The following TTLL11 variants were observed in gnomAD, a reference collection of about 807,000 sequenced individuals.
TTLL11 encodes the protein tubulin tyrosine ligase like 11.
Under a neutral mutation model 51.7 loss-of-function variants are expected in TTLL11, and 42 were observed. That is an observed-to-expected ratio of 0.81 (90% confidence interval 0.64 to 1.05). TTLL11 has a LOEUF of 1.05. Ranked by LOEUF, TTLL11 falls within the 50% of genes least tolerant of loss-of-function variation. The pLI, the probability that TTLL11 is intolerant of heterozygous loss-of-function variation, is 0.00. For synonymous variants in TTLL11, 381 were observed against 383.5 expected, an observed-to-expected ratio of 0.99 and a Z score of 0.08; for missense variants, 799 against 940.4, an observed-to-expected ratio of 0.85 and a Z score of 1.97.
At chr9:122,013,709 T>C (rs1843883632) in intron 3 of TTLL11, among the ~76,000 whole-genome samples, 1 of 151,780 alleles carries the variant, frequency 6.6e-6, no homozygotes, top group Non-Finnish European at 1.5e-5. Flanking sequence ...TGCCTGGGGG[T>C]TGCCACAGCC....
chr9:122,061,328 T>TG (rs1001519397), intron 1 of TTLL11, among the ~76,000 whole-genome samples: 2 of 151,980 alleles, frequency 1.3e-5, no homozygotes, highest in Non-Finnish European at 1.5e-5. Flanking sequence ...TATCTTTTTT[T>TG]GGGGGGGCAC....
At chr9:121,982,483 G>A (rs1269685161) in intron 4 of TTLL11, among the ~76,000 whole-genome samples, 3 of 152,102 alleles carry the variant, frequency 2.0e-5, no homozygotes, top group African/African-American at 4.8e-5. Flanking sequence ...TTGGGAGGCC[G>A]AGGCGGGTGG....
At chr9:121,943,787 A>T (rs1042048262) in intron 6 of TTLL11, among the ~76,000 whole-genome samples, 1 of 152,130 alleles carries the variant, frequency 6.6e-6, no homozygotes, top group African/African-American at 2.4e-5. Flanking sequence ...TGTGATGCCT[A>T]CCTACCTCCT....
At chr9:121,895,497 G>A (rs1365923401) in intron 6 of TTLL11, among the ~76,000 whole-genome samples, 3 of 151,514 alleles carry the variant, frequency 2.0e-5, no homozygotes, top group Non-Finnish European at 4.4e-5. Context: ...GTGTGTGGTT[G>A]TGTGTAGTTT....
chr9:121,892,571 G>T (rs936090636), intron 6 of TTLL11, among the ~76,000 whole-genome samples: 3 of 152,136 alleles, frequency 2.0e-5, no homozygotes, highest in South Asian at 2.1e-4. Context: ...CAACACGTGG[G>T]AATTATGGGA....
intron 3 of TTLL11, among the ~76,000 whole-genome samples, chr9:122,022,547 C>G (rs947474712): frequency 2.0e-5 from 3 of 151,646 alleles, no homozygotes; most frequent in Non-Finnish European, 4.4e-5. Flanking sequence ...AAAATATCAT[C>G]CAAAACCAAA....
chr9:121,884,530 G>A (rs1305720774), intron 6 of TTLL11: 2 of 152,442 alleles, frequency 1.3e-5, no homozygotes, highest in Non-Finnish European at 2.9e-5. Flanking sequence ...GTCCAGGGAT[G>A]AGGGGCAGCA....
rs2131440851 is a variant in TTLL11, at chr9:121,890,450, T to A, written c.1482-19702A>T. ...CAAAATCCCCAAGCCTGTCCCTGGC[T>A]CACTCCCTCATTTCCTTCAAGTGTG... On this transcript the variant is annotated intron_variant, in intron 6 of 8. Coordinates refer to ENST00000321582, the MANE Select transcript of TTLL11 (RefSeq NM_001139442.2). The surrounding 1 kb of genome is among the most constrained non-coding windows in gnomAD (Gnocchi z 4.3). Among the ~76,000 whole-genome samples the A allele has an allele frequency of 6.6e-6, 1 of 152,214 alleles. No homozygotes were observed. Among genetic ancestry groups the A allele is most frequent in the South Asian group, 2.1e-4 (1 of 4,820 alleles).
At chr9:121,978,013 C>G (rs1842753385) in intron 4 of TTLL11, among the ~76,000 whole-genome samples, 2 of 152,118 alleles carry the variant, frequency 1.3e-5, no homozygotes, top group Non-Finnish European at 2.9e-5. Context: ...GTCCCAAGAA[C>G]TATTCTAGCT....
chr9:121,985,302 T>C (rs1431140947), intron 4 of TTLL11, among the ~76,000 whole-genome samples: 1 of 152,028 alleles, frequency 6.6e-6, no homozygotes, highest in Non-Finnish European at 1.5e-5. Flanking sequence ...ACAACAACCC[T>C]TTGAGGTAGG....
intron 6 of TTLL11, among the ~76,000 whole-genome samples, chr9:121,895,394 GTT>G (rs1451055622): frequency 6.6e-6 from 1 of 151,548 alleles, no homozygotes; most frequent in Non-Finnish European, 1.5e-5. Context: ...ATGATTGTGT[GTT>G]TGTGTGACTG....
intron 6 of TTLL11, among the ~76,000 whole-genome samples, chr9:121,971,668 G>C (rs1284437719): frequency 7.1e-6 from 1 of 141,376 alleles, no homozygotes; most frequent in Non-Finnish European, 1.5e-5. Context: ...TCGGATGGTT[G>C]CCGTGTCTGT....
chr9:122,076,005 C>T (rs1226532001), intron 1 of TTLL11, among the ~76,000 whole-genome samples: 1 of 152,146 alleles, frequency 6.6e-6, no homozygotes, highest in African/African-American at 2.4e-5. Flanking sequence ...TCTGTGAATG[C>T]CTTCTCTGTG....
At position 121,819,257 on chromosome 9, in the gene TTLL11, A is replaced by G. The variant is rs1263032721; in HGVS notation, c.*3330T>C. 6.6e-6 allele frequency: 1 copy of G among 152,366 alleles called. No individual in the cohort carries two copies. The highest frequency in any genetic ancestry group is 6.5e-5 in the Admixed American group (1 of 15,286). 9.4% of individuals were successfully genotyped at this position (152,366 alleles called of 1,614,324 possible). On this transcript the variant is annotated 3_prime_UTR_variant, in exon 9 of 9. Coordinates refer to ENST00000321582, the MANE Select transcript of TTLL11 (RefSeq NM_001139442.2). ...CGTGAGGACAAAGCTCCCGCCCCTAACAACAGAAATGCTGAGCCCGTCCCC... is the reference window on the plus strand; with the variant it reads ...CGTGAGGACAAAGCTCCCGCCCCTAGCAACAGAAATGCTGAGCCCGTCCCC...
At chr9:121,836,812 T>C (rs1391573384) in intron 8 of TTLL11, among the ~76,000 whole-genome samples, 1 of 152,166 alleles carries the variant, frequency 6.6e-6, no homozygotes, top group African/African-American at 2.4e-5. Context: ...GTGCCTGTGG[T>C]GCACATGGTG....
chr9:122,050,628 C>T (rs1164148084), intron 1 of TTLL11, among the ~76,000 whole-genome samples: 5 of 152,162 alleles, frequency 3.3e-5, no homozygotes, highest in African/African-American at 1.2e-4. Context: ...TGTCCTCTCC[C>T]ACATTGTCAC....
intron 3 of TTLL11, among the ~76,000 whole-genome samples, chr9:122,005,840 C>CA (rs1319676070): frequency 6.6e-6 from 1 of 152,128 alleles, no homozygotes; most frequent in Non-Finnish European, 1.5e-5. Flanking sequence ...TTCTCACTGT[C>CA]ACAATGTATG....
At chr9:121,950,438 A>C (rs1276426974) in intron 6 of TTLL11, among the ~76,000 whole-genome samples, 4 of 152,162 alleles carry the variant, frequency 2.6e-5, no homozygotes, top group African/African-American at 9.7e-5. Flanking sequence ...AGCCTGACAA[A>C]GGGCAAGGAT....
chr9:122,034,756 G>A (rs939016243), intron 2 of TTLL11, among the ~76,000 whole-genome samples: 6 of 152,124 alleles, frequency 3.9e-5, no homozygotes, highest in African/African-American at 4.8e-5. Context: ...CAGGGCACGC[G>A]TTCCCAGAGT....
Sources: gnomAD v4.1 joint callset for allele counts (sites outside exome capture counted in the v4.1 genomes callset) on GRCh38, gnomAD v4.1.1 for gene constraint, Gnocchi (gnomAD v3.1) non-coding constraint, MANE v1.5 for transcripts, NCBI Gene and HGNC (gene_info 2026-07-23, HGNC 2026-07-21) for gene names.